SLC35F4: variants seen among roughly 807,000 people sequenced by gnomAD.
SLC35F4 encodes the protein solute carrier family 35 member F4, also known as chromosome 14 open reading frame 36.
Under a neutral mutation model 44.2 loss-of-function variants are expected in SLC35F4, and 24 were observed. The observed-to-expected ratio is 0.54, with a 90% CI of 0.39 to 0.76. SLC35F4 has a LOEUF of 0.76. Ranked by LOEUF, SLC35F4 falls within the 30% of genes least tolerant of loss-of-function variation. SLC35F4 has a pLI of 0.00. For missense variants in SLC35F4, 562 were observed against 586.1 expected (o/e 0.96, Z 0.42); for synonymous variants, 238 against 223.6 (o/e 1.06, Z -0.57).
At chr14:57,765,681 A>C (rs1475637021) in intron 1 of SLC35F4, among the ~76,000 whole-genome samples, 4 of 152,248 alleles carry the variant, frequency 2.6e-5, no homozygotes, top group Non-Finnish European at 5.9e-5. Context: ...TCAGATATGC[A>C]CAATAGCCGA....
At chr14:57,751,283 T>C (rs1471439509) in intron 1 of SLC35F4, among the ~76,000 whole-genome samples, 1 of 152,174 alleles carries the variant, frequency 6.6e-6, no homozygotes, top group African/African-American at 2.4e-5. Context: ...ATATTCAACA[T>C]TGTTAATATC....
chr14:57,889,938 T>G (rs924167540), intron 1 of SLC35F4, among the ~76,000 whole-genome samples: 20 of 152,098 alleles, frequency 1.3e-4, no homozygotes, highest in Admixed American at 3.9e-4. Context: ...CAGATAAGTT[T>G]TTATCTGCCC....
At chr14:57,629,581 T>G (rs2072661455) in intron 1 of SLC35F4, among the ~76,000 whole-genome samples, 1 of 152,134 alleles carries the variant, frequency 6.6e-6, no homozygotes, top group African/African-American at 2.4e-5. Flanking sequence ...GAAGGATGAT[T>G]TAGTTGTGCC....
chr14:57,885,707 C>A (rs769178233), intron 1 of SLC35F4, among the ~76,000 whole-genome samples: 2 of 152,148 alleles, frequency 1.3e-5, no homozygotes, highest in Non-Finnish European at 2.9e-5. Context: ...TGGACAGAAC[C>A]AACATAGAGC....
intron 1 of SLC35F4, among the ~76,000 whole-genome samples, chr14:57,764,519 C>G (rs1342143797): frequency 6.6e-6 from 1 of 152,202 alleles, no homozygotes; most frequent in Non-Finnish European, 1.5e-5. Context: ...TCAAGTGGTT[C>G]CCAGCTTAAA....
downstream of SLC35F4, among the ~76,000 whole-genome samples, chr14:57,975,497 G>T (rs1456608234): frequency 1.3e-5 from 2 of 152,182 alleles, no homozygotes; most frequent in African/African-American, 2.4e-5. Flanking sequence ...ACACACTGCT[G>T]GATTGGTTCA....
chr14:57,665,331 T>C (rs1319689183), intron 1 of SLC35F4, among the ~76,000 whole-genome samples: 1 of 152,164 alleles, frequency 6.6e-6, no homozygotes, highest in Non-Finnish European at 1.5e-5. Context: ...TAATAATAGC[T>C]ATTACTTATT....
intron 1 of SLC35F4, among the ~76,000 whole-genome samples, chr14:57,937,064 C>CTTTTTTTTTTTTTTTTT (rs11458039): frequency 6.9e-6 from 1 of 144,218 alleles, no homozygotes. Context: ...ATTTTACCTG[C>CTTTTTTTTTTTTTTTTT]TTTTTTTTTT....
intron 1 of SLC35F4, among the ~76,000 whole-genome samples, chr14:57,646,662 C>G (rs1440155203): frequency 4.6e-5 from 7 of 151,938 alleles, no homozygotes; most frequent in Non-Finnish European, 1.0e-4. Context: ...ACCTTCTGTT[C>G]GCTTTTGAAT....
chr14:57,851,940 T>C (rs553309872), intron 1 of SLC35F4, among the ~76,000 whole-genome samples: 107 of 152,270 alleles, frequency 7.0e-4, no homozygotes, highest in African/African-American at 2.4e-3. Context: ...AAAAATATTA[T>C]CTTGGAAAAA....
intron 1 of SLC35F4, among the ~76,000 whole-genome samples, chr14:57,805,745 C>A (rs1042660781): frequency 1.3e-5 from 2 of 152,144 alleles, no homozygotes; most frequent in African/African-American, 4.8e-5. Context: ...ATCTAACAAA[C>A]CTGCACATCC....
chr14:57,906,627 A>C (rs1386876766), intron 1 of SLC35F4, among the ~76,000 whole-genome samples: 1 of 152,206 alleles, frequency 6.6e-6, no homozygotes, highest in African/African-American at 2.4e-5. Flanking sequence ...TGCATATTCA[A>C]ATTTTCAATA....
At chr14:57,680,391 T>C (rs966680150) in intron 1 of SLC35F4, among the ~76,000 whole-genome samples, 1 of 152,098 alleles carries the variant, frequency 6.6e-6, no homozygotes, top group African/African-American at 2.4e-5. Context: ...ATAAAGGCTA[T>C]TGATGACAAA....
chr14:57,813,608 T>A (rs1367127081), intron 1 of SLC35F4, among the ~76,000 whole-genome samples: 8 of 152,124 alleles, frequency 5.3e-5, no homozygotes, highest in Non-Finnish European at 1.2e-4. Flanking sequence ...ATAAAAAGTA[T>A]TTTATAAGTA....
chr14:57,614,988 T>G (rs531471577), intron 1 of SLC35F4, among the ~76,000 whole-genome samples: 3 of 152,330 alleles, frequency 2.0e-5, no homozygotes, highest in Admixed American at 6.5e-5. Context: ...CTTTTGAGAT[T>G]TGAGTGTTCT....
intron 1 of SLC35F4, among the ~76,000 whole-genome samples, chr14:57,929,438 G>A (rs1381313061): frequency 1.3e-5 from 2 of 152,002 alleles, no homozygotes; most frequent in Non-Finnish European, 2.9e-5. Context: ...CAGCACCTTA[G>A]AGCGGGAGAG....
At chr14:57,650,185 C>T (rs546615624) in intron 1 of SLC35F4, among the ~76,000 whole-genome samples, 10 of 152,134 alleles carry the variant, frequency 6.6e-5, no homozygotes, top group African/African-American at 1.9e-4. Flanking sequence ...AGATCTCATT[C>T]GGGCCTATGG....
At chr14:57,720,337 C>T (rs1283940998) in intron 1 of SLC35F4, among the ~76,000 whole-genome samples, 18 of 152,240 alleles carry the variant, frequency 1.2e-4, no homozygotes, top group Non-Finnish European at 7.4e-5. Flanking sequence ...CAGGGTACTA[C>T]TGGCCTCATA....
At chr14:57,816,444 C>G (rs117158488) in intron 1 of SLC35F4, among the ~76,000 whole-genome samples, 39 of 139,854 alleles carry the variant, frequency 2.8e-4, no homozygotes, top group Non-Finnish European at 5.1e-4. Flanking sequence ...AACCTTAGCT[C>G]AGGGCCTACC....
Sources: allele counts gnomAD v4.1 joint callset (sites outside exome capture counted in the v4.1 genomes callset), GRCh38; gene constraint gnomAD v4.1.1; transcripts MANE v1.5; gene names NCBI Gene and HGNC (gene_info 2026-07-23, HGNC 2026-07-21).